Variants in CEP350 observed in about 807,000 individuals in gnomAD.
CEP350 encodes the protein centrosome-associated protein 350.
Under a neutral mutation model 331.8 loss-of-function variants are expected in CEP350, and 126 were observed. The ratio of observed to expected loss-of-function variants is 0.38; its 90% CI spans 0.33 to 0.44. The LOEUF (loss-of-function observed/expected upper bound fraction) is 0.44, where lower values mean the gene tolerates loss of function less well. Ranked by LOEUF, CEP350 falls within the 20% of genes least tolerant of loss-of-function variation. CEP350 has a pLI of 1.00. For missense variants in CEP350, 3,406 were observed against 3,634.6 expected (o/e 0.94, Z 1.62); for synonymous variants, 1,200 against 1,259.5 (o/e 0.95, Z 1.00).
chr1:180,032,872 A>T (rs1656110645), intron 15 of CEP350, among the ~76,000 whole-genome samples: 1 of 152,036 alleles, frequency 6.6e-6, no homozygotes. Flanking sequence ...TAAAATGATC[A>T]TTCTTTTTGT....
rs962582607 is a variant in CEP350, at chr1:180,006,545, A to T, written c.1224A>T (p.Leu408Phe). The T allele has an allele frequency of 3.3e-6, 5 of 1,538,170 alleles. No homozygotes were observed. In the South Asian group the frequency reaches 6.0e-5, roughly 18 times the overall value. Residue 408 changes from leucine to phenylalanine, a missense_variant, in exon 8 of 38, where the codon TTA becomes TTT. This residue lies in a region of CEP350 where 1,857 missense variants were observed against 1,909.2 expected (regional missense o/e 0.97). Coordinates refer to ENST00000367607, the MANE Select transcript of CEP350 (RefSeq NM_014810.5). ...GAAAAGTCCAAAAAGTAGCACAGTT[A>T]TCAAGTACAGAATGCAGAACAGGTT... ...PVRKVQKVAQ[L>F]SSTECRTGSS...
At chr1:179,958,807 A>G (rs1159957567) in intron 1 of CEP350, among the ~76,000 whole-genome samples, 1 of 152,236 alleles carries the variant, frequency 6.6e-6, no homozygotes, top group Non-Finnish European at 1.5e-5. Flanking sequence ...ATGATATAAA[A>G]TTAAGTGAAA....
chr1:180,088,797 G>T (rs61605706), intron 32 of CEP350, among the ~76,000 whole-genome samples: 12,448 of 152,168 alleles, frequency 0.082, 773 homozygotes, highest in African/African-American at 0.18. Context: ...TGTTATGAGG[G>T]TTAAAAGACT....
chr1:180,029,147 C>G (rs1199203132), intron 14 of CEP350, among the ~76,000 whole-genome samples: 1 of 151,882 alleles, frequency 6.6e-6, no homozygotes, highest in African/African-American at 2.4e-5. Flanking sequence ...AGTGGTAATC[C>G]TAGGGGAAAA....
Position 179,967,023 on chromosome 1 carries a change from T to C in CEP350, c.-14+11881T>C, listed in dbSNP as rs185486001. ...ACAAATTAAATTTAACAGAATTTGA[T>C]TGAGCAAAGAAGAGTTCATAAATCA... is the stretch of plus-strand genomic sequence containing the variant. On this transcript the variant is annotated intron_variant, in intron 1 of 37. Coordinates refer to ENST00000367607, the MANE Select transcript of CEP350 (RefSeq NM_014810.5). Among the ~76,000 whole-genome samples, 15 of 152,316 alleles carry C rather than the reference T, an allele frequency of 9.8e-5. No individual in the cohort carries two copies. The East Asian group carries it at 2.9e-3, about 29-fold the overall frequency.
intron 14 of CEP350, among the ~76,000 whole-genome samples, chr1:180,029,247 T>C (rs1276725203): frequency 6.6e-6 from 1 of 152,130 alleles, no homozygotes; most frequent in Non-Finnish European, 1.5e-5. Context: ...TGGACTGGAG[T>C]GTAGGCCTTT....
intron 6 of CEP350, among the ~76,000 whole-genome samples, 181 bp from the exon 7 acceptor site, chr1:180,002,993 C>T (rs1653965198): frequency 1.3e-5 from 2 of 152,062 alleles, no homozygotes; most frequent in Admixed American, 1.3e-4. Context: ...TGATTAAATG[C>T]TCTGGAATTA....
chr1:180,105,035 T>C (rs1661067485), intron 37 of CEP350, among the ~76,000 whole-genome samples: 1 of 152,074 alleles, frequency 6.6e-6, no homozygotes, highest in Admixed American at 6.6e-5. Context: ...CTTTAATATG[T>C]CCATTTTTAC....
intron 27 of CEP350, among the ~76,000 whole-genome samples, chr1:180,074,106 C>T (rs1558142199): frequency 6.6e-6 from 1 of 151,880 alleles, no homozygotes; most frequent in Non-Finnish European, 1.5e-5. Context: ...GACAGCTCTT[C>T]TTGTGCTTTT....
intron 1 of CEP350, among the ~76,000 whole-genome samples, chr1:179,970,850 A>G (rs1162411003): frequency 6.6e-6 from 1 of 152,218 alleles, no homozygotes; most frequent in African/African-American, 2.4e-5. Flanking sequence ...TGTTTCACAG[A>G]TGTTTTGGTA....
chr1:180,053,220 G>C, intron 23 of CEP350, 54 bp downstream of exon 23: 2 of 877,774 alleles, frequency 2.3e-6, no homozygotes, highest in Non-Finnish European at 3.3e-6. Flanking sequence ...TTCTCTCAAA[G>C]ATATGAGAAA....
At chr1:179,980,201 A>G (rs964864443) in intron 1 of CEP350, among the ~76,000 whole-genome samples, 3 of 151,012 alleles carry the variant, frequency 2.0e-5, no homozygotes, top group African/African-American at 7.3e-5. Context: ...GTTTTCTTTA[A>G]CTTTTCTCAT....
intron 32 of CEP350, among the ~76,000 whole-genome samples, chr1:180,090,428 C>A (rs1401764983): frequency 1.3e-5 from 2 of 150,536 alleles, no homozygotes; most frequent in East Asian, 3.9e-4. Flanking sequence ...CGCCTGTAGT[C>A]CCAGCTACTC....
intron 6 of CEP350, chr1:180,000,800 G>A (rs928536802): frequency 6.6e-6 from 1 of 152,194 alleles, no homozygotes; most frequent in African/African-American, 2.4e-5. Context: ...TAGTTATTGT[G>A]TCATTCATGA....
chr1:180,098,704 C>T (rs902714120), intron 36 of CEP350, among the ~76,000 whole-genome samples, 159 bp from the exon 37 acceptor site: 1 of 152,150 alleles, frequency 6.6e-6, no homozygotes, highest in African/African-American at 2.4e-5. Flanking sequence ...ATGCTTTTCC[C>T]TTCAAATTGC....
chr1:180,029,831 T>C (rs548367681), intron 14 of CEP350, among the ~76,000 whole-genome samples: 111 of 152,304 alleles, frequency 7.3e-4, no homozygotes, highest in African/African-American at 2.6e-3. Flanking sequence ...CTCATTCTCC[T>C]CTTCTCCCAG....
chr1:179,980,677 T>C (rs1652204127), intron 1 of CEP350, among the ~76,000 whole-genome samples: 1 of 152,116 alleles, frequency 6.6e-6, no homozygotes, highest in African/African-American at 2.4e-5. Context: ...TTGTACTAGA[T>C]TATGAGATTG....
At chr1:180,103,546 T>C (rs1660951030) in intron 37 of CEP350, among the ~76,000 whole-genome samples, 1 of 152,164 alleles carries the variant, frequency 6.6e-6, no homozygotes, top group East Asian at 1.9e-4. Flanking sequence ...GGGGAATTGG[T>C]CTTTTCTGTT....
At chr1:180,045,948 A>G (rs1179587478) in intron 21 of CEP350, among the ~76,000 whole-genome samples, 1 of 152,232 alleles carries the variant, frequency 6.6e-6, no homozygotes, top group Non-Finnish European at 1.5e-5. Flanking sequence ...TAGAAGAACC[A>G]TGCTCTCTGT....
Sources: gnomAD v4.1 joint callset for allele counts (sites outside exome capture counted in the v4.1 genomes callset) on GRCh38, gnomAD v4.1.1 for gene constraint, gnomAD v4.1.1 regional missense constraint, MANE v1.5 for transcripts, NCBI Gene and HGNC (gene_info 2026-07-23, HGNC 2026-07-21) for gene names.